The following PTPRO variants were observed in gnomAD, a reference collection of about 807,000 sequenced individuals.
The protein encoded by PTPRO is receptor-type tyrosine-protein phosphatase O.
Under a neutral mutation model 145.2 loss-of-function variants are expected in PTPRO, and 62 were observed. The ratio of observed to expected loss-of-function variants is 0.43; its 90% CI spans 0.35 to 0.53. PTPRO has a LOEUF of 0.53. Among genes scored for constraint, PTPRO ranks in the 20% least tolerant of loss-of-function variants. The pLI, the probability that PTPRO is intolerant of heterozygous loss-of-function variation, is 0.01. For synonymous variants in PTPRO, 565 were observed against 514.7 expected (o/e 1.10, Z -1.32); for missense variants, 1,345 against 1,482.7 (o/e 0.91, Z 1.53).
chr12:15,488,580 T>C (rs1004126496), intron 2 of PTPRO, among the ~76,000 whole-genome samples: 5 of 152,214 alleles, frequency 3.3e-5, no homozygotes, highest in African/African-American at 1.2e-4. Context: ...ATATTTCTCC[T>C]GAGAATAAAA....
intron 1 of PTPRO, among the ~76,000 whole-genome samples, chr12:15,472,329 A>G (rs1288784423): frequency 1.3e-5 from 2 of 152,118 alleles, no homozygotes; most frequent in Non-Finnish European, 2.9e-5. Flanking sequence ...ACTCCTAATT[A>G]TATAAGTCTT....
chr12:15,485,513 T>A (rs954471697), intron 2 of PTPRO, among the ~76,000 whole-genome samples: 1 of 152,174 alleles, frequency 6.6e-6, no homozygotes, highest in African/African-American at 2.4e-5. Context: ...CCAAGCCTTA[T>A]GCTTGCTTAA....
At position 15,551,633 on chromosome 12, in the gene PTPRO, C is replaced by G; in HGVS notation, c.2520C>G (p.Thr840=). 1 of 1,613,450 alleles carries G rather than the reference C, an allele frequency of 6.2e-7. No individual in the cohort carries two copies. The highest frequency in any genetic ancestry group is 1.1e-5 in the South Asian group (1 of 91,066). ...STLLIGLLLV[T]LIILRKKHLQ... Reference sequence around the variant, plus strand: ...TTTTAATTGGACTGTTGCTTGTTACCCTCATTATTCTTAGGAAAAAGCATC... The same window carrying G: ...TTTTAATTGGACTGTTGCTTGTTACGCTCATTATTCTTAGGAAAAAGCATC... The change falls in exon 15 of 27, where the codon ACC becomes ACG. Residue 840 remains threonine, a synonymous_variant. Coordinates refer to ENST00000281171, the MANE Select transcript of PTPRO (RefSeq NM_030667.3).
Position 15,597,507 on chromosome 12 carries a change from C to T in PTPRO, c.*1434C>T, listed in dbSNP as rs922996544. 6.6e-6 allele frequency: 1 copy of T among 152,218 alleles called. No individual in the cohort carries two copies. The highest frequency in any genetic ancestry group is 2.4e-5 in the African/African-American group (1 of 41,440). 9.4% of individuals were successfully genotyped at this position (152,218 alleles called of 1,614,324 possible). A position where few individuals can be genotyped will look rare whatever the true frequency, so the allele number is the denominator to read the frequency against. ...TCCATCCCTGATCATCTTCATGAAG[C>T]CACAGATATAAGATCAGCTTAATAT... On this transcript the variant is annotated 3_prime_UTR_variant, in exon 27 of 27. Coordinates refer to ENST00000281171, the MANE Select transcript of PTPRO (RefSeq NM_030667.3).
At chr12:15,430,364 G>A (rs906722153) in intron 1 of PTPRO, among the ~76,000 whole-genome samples, 11 of 152,164 alleles carry the variant, frequency 7.2e-5, no homozygotes, top group African/African-American at 2.6e-4. Context: ...TAGAAGCCGA[G>A]GGATTCTAAA....
chr12:15,341,834 T>C (rs367626595), intron 1 of PTPRO, among the ~76,000 whole-genome samples: 2 of 152,212 alleles, frequency 1.3e-5, no homozygotes, highest in East Asian at 3.8e-4. Context: ...CAAAGCAGCA[T>C]AAAGCAAAGA....
At position 15,514,277 on chromosome 12, in the gene PTPRO, C is replaced by T. The variant is rs369533337; in HGVS notation, c.1465-1221C>T. On this transcript the variant is annotated intron_variant, in intron 7 of 26. Transcript: ENST00000281171. ...GACCAGCCTGGCCAACATGGCGAAA[C>T]CTCGTCTCTACTAAAAATACAAAAA... 2.6e-5 allele frequency among the ~76,000 whole-genome samples: 4 copies of T among 151,982 alleles called. No homozygotes were observed. The East Asian group carries it at 5.8e-4, about 22-fold the overall frequency.
At chr12:15,454,900 G>T (rs188661780) in intron 1 of PTPRO, among the ~76,000 whole-genome samples, 2 of 152,122 alleles carry the variant, frequency 1.3e-5, no homozygotes, top group East Asian at 3.9e-4. Flanking sequence ...ATATATGCTC[G>T]TGTTAACTTC....
At chr12:15,363,880 C>A (rs1156424126) in intron 1 of PTPRO, among the ~76,000 whole-genome samples, 1 of 152,034 alleles carries the variant, frequency 6.6e-6, no homozygotes, top group Non-Finnish European at 1.5e-5. Flanking sequence ...CCAACAGTTT[C>A]TGTTATTATA....
At chr12:15,410,237 T>C (rs188152755) in intron 1 of PTPRO, 1 of 152,356 alleles carries the variant, frequency 6.6e-6, no homozygotes, top group Non-Finnish European at 1.5e-5. Context: ...TCAACTTGAC[T>C]TGGCCATGGA....
At chr12:15,475,468 T>A (rs1941632919) in intron 1 of PTPRO, among the ~76,000 whole-genome samples, 1 of 152,204 alleles carries the variant, frequency 6.6e-6, no homozygotes, top group Admixed American at 6.5e-5. Context: ...CTTTCAGATA[T>A]GAAGCACAAT....
At chr12:15,465,087 A>G (rs1464041458) in intron 1 of PTPRO, among the ~76,000 whole-genome samples, 1 of 152,240 alleles carries the variant, frequency 6.6e-6, no homozygotes, top group Non-Finnish European at 1.5e-5. Context: ...GCACAGCATG[A>G]TTTATATAAA....
chr12:15,552,221 A>T (rs1466620963), intron 15 of PTPRO, among the ~76,000 whole-genome samples: 1 of 152,120 alleles, frequency 6.6e-6, no homozygotes, highest in Non-Finnish European at 1.5e-5. Context: ...TTGATTTATG[A>T]TTTCAGCTCT....
At chr12:15,386,568 A>G (rs1470354256) in intron 1 of PTPRO, among the ~76,000 whole-genome samples, 2 of 152,204 alleles carry the variant, frequency 1.3e-5, no homozygotes, top group Non-Finnish European at 2.9e-5. Context: ...GCCATGTTGT[A>G]TGGCAAAAAC....
chr12:15,454,080 T>G (rs2136383994), intron 1 of PTPRO, among the ~76,000 whole-genome samples: 1 of 152,324 alleles, frequency 6.6e-6, no homozygotes, highest in South Asian at 2.1e-4. Flanking sequence ...TTCAATAATT[T>G]TGGATAAATA....
At chr12:15,588,406 A>G (rs1231832702) in intron 24 of PTPRO, among the ~76,000 whole-genome samples, 1 of 152,146 alleles carries the variant, frequency 6.6e-6, no homozygotes, top group Non-Finnish European at 1.5e-5. Flanking sequence ...CTCTTTATTG[A>G]GGATTAGAGG....
In PTPRO at chr12:15,546,698, C is replaced by T. The variant is rs1386662536; in HGVS notation, c.2294C>T (p.Thr765Ile). Residue 765 changes from threonine to isoleucine, a missense_variant, in exon 13 of 27, where the codon ACC becomes ATC. This residue lies in a region of PTPRO where 1,130 missense variants were observed against 1,214.7 expected (regional missense o/e 0.93). Transcript: ENST00000281171. The part of the protein sequence containing the change: ...FCQQVGSSQK[T>I]KLQEPVAVSS... ...CAACAAGTTGGCTCCAGTCAGAAAACCAAACTTCAGGTACTGTACCTTTTG... is the reference window on the plus strand; with the variant it reads ...CAACAAGTTGGCTCCAGTCAGAAAATCAAACTTCAGGTACTGTACCTTTTG... 7 of 1,613,832 alleles carry T rather than the reference C, an allele frequency of 4.3e-6. No homozygotes were observed. Among genetic ancestry groups the T allele is most frequent in the Non-Finnish European group, 5.9e-6 (7 of 1,179,938 alleles).
intron 1 of PTPRO, chr12:15,410,829 G>C (rs539762215): frequency 3.2e-4 from 49 of 152,210 alleles, no homozygotes; most frequent in African/African-American, 1.1e-3. Flanking sequence ...ATCCAATACA[G>C]CTCCTTATAT....
At chr12:15,376,801 C>T (rs965344044) in intron 1 of PTPRO, among the ~76,000 whole-genome samples, 3 of 152,126 alleles carry the variant, frequency 2.0e-5, no homozygotes, top group African/African-American at 7.2e-5. Flanking sequence ...ATGTGGGCTC[C>T]ACTCTCATAA....
Sources: allele counts gnomAD v4.1 joint callset (sites outside exome capture counted in the v4.1 genomes callset), GRCh38; gene constraint gnomAD v4.1.1; regional missense constraint gnomAD v4.1.1; transcripts MANE v1.5; gene names NCBI Gene and HGNC (gene_info 2026-07-23, HGNC 2026-07-21).